Variants in TMCO4 observed in about 807,000 individuals in gnomAD.
TMCO4 encodes the protein transmembrane and coiled-coil domain-containing protein 4.
TMCO4 carries 58 observed loss-of-function variants against 64.7 expected under a neutral mutation model. The observed-to-expected ratio is 0.90, with a 90% CI of 0.73 to 1.12. The LOEUF is 1.12. Ranked by LOEUF, TMCO4 falls within the 50% of genes most tolerant of loss-of-function variation. TMCO4 has a pLI of 0.00. For missense variants in TMCO4, 780 were observed against 825.9 expected (o/e 0.94, Z 0.68); for synonymous variants, 325 against 346.1 (o/e 0.94, Z 0.68).
chr1:19,780,474 T>C, intron 4 of TMCO4, 106 bp downstream of exon 4: 1 of 1,350,808 alleles, frequency 7.4e-7, no homozygotes, highest in South Asian at 1.5e-5. Flanking sequence ...GGACAATGAC[T>C]TGCCCCTCTC....
chr1:19,742,944 C>T (rs2095486463), intron 10 of TMCO4, among the ~76,000 whole-genome samples: 2 of 151,864 alleles, frequency 1.3e-5, no homozygotes, highest in African/African-American at 2.4e-5. Flanking sequence ...CAGCTACTCT[C>T]GAGGCTGAGG....
chr1:19,723,175 T>C lies in TMCO4; in HGVS notation c.1264+14197A>G, dbSNP rs969024583. ...TTTTGGAATATTTGCATTATTCTTA[T>C]TGGTTGAGCATCCCAAATCCGAAAA... On this transcript the variant is annotated intron_variant, in intron 13 of 15. Transcript: ENST00000294543. Among the ~76,000 whole-genome samples the C allele has an allele frequency of 1.1e-4, 17 of 152,350 alleles. No individual in the cohort carries two copies. The East Asian group carries it at 2.5e-3, about 22-fold the overall frequency.
intron 14 of TMCO4, among the ~76,000 whole-genome samples, chr1:19,695,753 C>T (rs1167828834): frequency 6.6e-6 from 1 of 152,134 alleles, no homozygotes; most frequent in Non-Finnish European, 1.5e-5. Flanking sequence ...TGAGTGGGTA[C>T]CACTCTGAAA....
intron 13 of TMCO4, among the ~76,000 whole-genome samples, chr1:19,727,066 C>G (rs375803654): frequency 6.6e-6 from 1 of 152,230 alleles, no homozygotes. Flanking sequence ...GGGTTCAGCC[C>G]CGGATGGGTT....
chr1:19,752,980 AT>A (rs1301064738), intron 7 of TMCO4, among the ~76,000 whole-genome samples: 3 of 149,162 alleles, frequency 2.0e-5, no homozygotes, highest in African/African-American at 7.4e-5. Context: ...TTTTTTTGAG[AT>A]GGAGTTTCAC....
intron 11 of TMCO4, 129 bp downstream of exon 11, chr1:19,740,648 C>T (rs924701547): frequency 2.8e-6 from 3 of 1,083,906 alleles, no homozygotes; most frequent in East Asian, 2.4e-5. Context: ...CGGCCTTAAC[C>T]TCTCTGTGTT....
intron 13 of TMCO4, among the ~76,000 whole-genome samples, chr1:19,725,012 G>A (rs968745724): frequency 2.0e-5 from 3 of 151,996 alleles, no homozygotes; most frequent in South Asian, 2.1e-4. Flanking sequence ...CACCCGCCTC[G>A]GCCTCCCAAA....
At chr1:19,771,230 G>A (rs1276514769) in intron 5 of TMCO4, 78 bp downstream of exon 5, 2 of 1,513,132 alleles carry the variant, frequency 1.3e-6, no homozygotes, top group African/African-American at 1.4e-5. Context: ...CCCACTAGAA[G>A]TGATTTTTTA....
At chr1:19,694,033 G>A (rs1557458781) in intron 15 of TMCO4, among the ~76,000 whole-genome samples, 1 of 152,104 alleles carries the variant, frequency 6.6e-6, no homozygotes, top group Non-Finnish European at 1.5e-5. Flanking sequence ...ACAGGGTTGT[G>A]CTCTGATGCC....
At chr1:19,757,841 G>C (rs573620210) in intron 6 of TMCO4, among the ~76,000 whole-genome samples, 2 of 152,122 alleles carry the variant, frequency 1.3e-5, no homozygotes, top group South Asian at 4.1e-4. Context: ...AAACTCTTCC[G>C]AATTTTAGGT....
intron 14 of TMCO4, among the ~76,000 whole-genome samples, chr1:19,696,937 C>A (rs185911721): frequency 5.9e-5 from 9 of 152,290 alleles, no homozygotes; most frequent in African/African-American, 2.2e-4. Flanking sequence ...CCATACAGAG[C>A]CAGGTTCATT....
chr1:19,724,662 C>G (rs1374349255), intron 13 of TMCO4, among the ~76,000 whole-genome samples: 3 of 152,170 alleles, frequency 2.0e-5, no homozygotes, highest in African/African-American at 7.2e-5. Flanking sequence ...GAAGCCCAGA[C>G]AGGTGAAGTG....
intron 7 of TMCO4, chr1:19,750,121 T>C (rs983536528): frequency 6.6e-6 from 1 of 152,226 alleles, no homozygotes; most frequent in African/African-American, 2.4e-5. Flanking sequence ...ACTCTTTTCA[T>C]TATTATTGTA....
intron 4 of TMCO4, among the ~76,000 whole-genome samples, chr1:19,779,295 C>T (rs2043350974): frequency 6.6e-6 from 1 of 152,168 alleles, no homozygotes; most frequent in Non-Finnish European, 1.5e-5. Context: ...CTCTGCCTCA[C>T]CCGCAACACT....
At chr1:19,750,458 G>C (rs1001277599) in intron 7 of TMCO4, 2 of 152,136 alleles carry the variant, frequency 1.3e-5, no homozygotes, top group African/African-American at 4.8e-5. Context: ...TGATTTTCTC[G>C]CTTAGGAAAT....
chr1:19,713,306 C>G (rs976168785), intron 13 of TMCO4, among the ~76,000 whole-genome samples: 3 of 152,100 alleles, frequency 2.0e-5, no homozygotes, highest in Non-Finnish European at 4.4e-5. Flanking sequence ...AACACTGCAA[C>G]ATACTGATGG....
At chr1:19,790,482 T>A (rs1411267910) in intron 2 of TMCO4, among the ~76,000 whole-genome samples, 2 of 151,888 alleles carry the variant, frequency 1.3e-5, no homozygotes, top group East Asian at 3.9e-4. Context: ...AACAACCCCA[T>A]TAAAAAGTGG....
intron 5 of TMCO4, 92 bp downstream of exon 5, chr1:19,771,216 C>T (rs1005202409): frequency 5.7e-6 from 8 of 1,397,826 alleles, no homozygotes; most frequent in Non-Finnish European, 7.8e-6. Flanking sequence ...TCCAACTGCT[C>T]CACCCCACTA....
chr1:19,777,087 CT>C (rs1451732171), intron 4 of TMCO4, among the ~76,000 whole-genome samples: 1 of 150,994 alleles, frequency 6.6e-6, no homozygotes, highest in Non-Finnish European at 1.5e-5. Flanking sequence ...TGTTCCCAGG[CT>C]TCCCTGTACC....
Sources: allele counts gnomAD v4.1 joint callset (sites outside exome capture counted in the v4.1 genomes callset), GRCh38; gene constraint gnomAD v4.1.1; transcripts MANE v1.5; gene names NCBI Gene and HGNC (gene_info 2026-07-23, HGNC 2026-07-21).